Variants in GRIN2D observed in about 807,000 individuals in gnomAD.
GRIN2D encodes the protein glutamate receptor ionotropic, NMDA 2D.
In GRIN2D, 37 loss-of-function variants were observed where a neutral mutation model predicts 103.2. The ratio of observed to expected loss-of-function variants is 0.36; its 90% CI spans 0.28 to 0.47. The LOEUF (loss-of-function observed/expected upper bound fraction) is 0.47, where lower values mean the gene tolerates loss of function less well. Ranked by LOEUF, GRIN2D falls within the 20% of genes least tolerant of loss-of-function variation. The pLI, the probability that GRIN2D is intolerant of heterozygous loss-of-function variation, is 1.00. For missense variants in GRIN2D, 1,557 were observed against 1,910.6 expected (o/e 0.81, Z 3.45); for synonymous variants, 845 against 885.6 (o/e 0.95, Z 0.81).
In GRIN2D at chr19:48,443,943, C is replaced by T. The variant is rs892905377; in HGVS notation, c.*6C>T. 2.6e-5 allele frequency: 36 copies of T among 1,391,278 alleles called. No individual in the cohort carries two copies. Among genetic ancestry groups the T allele is most frequent in the Non-Finnish European group, 3.2e-5 (34 of 1,072,236 alleles). The allele number at this position is 1,391,278 out of a possible 1,614,324, so 86.2% of individuals were successfully genotyped here. A position where few individuals can be genotyped will look rare whatever the true frequency, so the allele number is the denominator to read the frequency against. On this transcript the variant is annotated 3_prime_UTR_variant, in exon 14 of 14. Transcript: ENST00000263269. This position sits in a 1 kb window ranked among gnomAD's most constrained non-coding sequence, Gnocchi z 8.9. Reference sequence around the variant, plus strand: ...GCCTCGAGTCCGAGGTATGACGCGGCCCCGGGGGCCCCACCGCCCCCTTGG... The same window carrying T: ...GCCTCGAGTCCGAGGTATGACGCGGTCCCGGGGGCCCCACCGCCCCCTTGG...
At chr19:48,417,175 G>T (rs1423623999) in intron 8 of GRIN2D, among the ~76,000 whole-genome samples, 2 of 152,194 alleles carry the variant, frequency 1.3e-5, no homozygotes, top group Non-Finnish European at 2.9e-5. Flanking sequence ...AGGAGGCAGA[G>T]GTTGCAGTGA....
Position 48,441,928 on chromosome 19 carries a change from C to T in GRIN2D, c.2412C>T (p.Asp804=), listed in dbSNP as rs147906766. The T allele has an allele frequency of 3.5e-5, 57 of 1,609,558 alleles. No individual in the cohort carries two copies. The highest frequency in any genetic ancestry group is 4.7e-5 in the Non-Finnish European group (55 of 1,178,870). Residue 804 remains aspartate, a synonymous_variant, in exon 12 of 14, where the codon GAC becomes GAT. Coordinates refer to ENST00000263269, the MANE Select transcript of GRIN2D (RefSeq NM_000836.4). ...HKGSRWKRPI[D]LALLQFLGDD... ...GCTCCCGCTGGAAGCGGCCCATCGA[C>T]CTGGCGTTGCTGCAGTTCCTGGGGG...
In GRIN2D at chr19:48,443,297, C is replaced by G. The variant is rs1231092898; in HGVS notation, c.3371C>G (p.Ala1124Gly). ...GAGGACTCGGAGAGCCTGGGCGGCG[C>G]GTCGCTGGGCGGCCTGGAGCCCTGG... The part of the protein sequence containing the change: ...DSEDSESLGG[A>G]SLGGLEPWWF... Residue 1124 changes from alanine to glycine, a missense_variant, in exon 14 of 14, where the codon GCG (alanine) becomes GGG (glycine). Physicochemically the swap from Ala to Gly is moderately conservative, Grantham distance 60 (BLOSUM62 0). Transcript: ENST00000263269. The surrounding 1 kb of genome is among the most constrained non-coding windows in gnomAD (Gnocchi z 8.9). 4 of 1,540,380 alleles carry G rather than the reference C, an allele frequency of 2.6e-6. No homozygotes were observed. In the African/African-American group the frequency reaches 5.7e-5, roughly 22 times the overall value.
chr19:48,398,624 C>G lies in GRIN2D; in HGVS notation c.232C>G (p.Arg78Gly). The G allele has an allele frequency of 2.3e-6, 3 of 1,280,932 alleles. No individual in the cohort carries two copies. Among genetic ancestry groups the G allele is most frequent in the Non-Finnish European group, 3.0e-6 (3 of 1,012,326 alleles). The allele number at this position is 1,280,932 out of a possible 1,614,324, so 79.3% of individuals were successfully genotyped here. Reference protein sequence around the residue: ...RLGPAVAAAVRSPGLDVRPVA... With the variant: ...RLGPAVAAAVGSPGLDVRPVA... ...GGGCCCGGCCGTGGCGGCGGCGGTG[C>G]GCAGCCCGGGCCTAGACGTGCGGCC... The change falls in exon 3 of 14, where the codon CGC (arginine) becomes GGC (glycine). Residue 78 changes from arginine to glycine, a missense_variant. Arg to Gly is a moderately radical substitution (Grantham distance 125). Transcript: ENST00000263269.
In GRIN2D at chr19:48,398,865, C is replaced by T. The variant is rs1487056865; in HGVS notation, c.465+8C>T. ...CTCGTGCTCACGCCCAAGGTGCGCG[C>T]GACCGGGGCGGGGCGGGGCCACAGG... On this transcript the variant is annotated splice_region_variant and intron_variant, in intron 3 of 13. Transcript: ENST00000263269. 3 of 1,306,748 alleles carry T rather than the reference C, an allele frequency of 2.3e-6. No individual in the cohort carries two copies. In the East Asian group the frequency reaches 9.6e-5, roughly 42 times the overall value. 80.9% of individuals were successfully genotyped at this position (1,306,748 alleles called of 1,614,324 possible).
rs1299751222 is a variant in GRIN2D at position 48,414,871 on chromosome 19, C to T, written c.1420C>T (p.Pro474Ser). 6.2e-7 allele frequency: 1 copy of T among 1,614,142 alleles called. No homozygotes were observed. The highest frequency in any genetic ancestry group is 1.7e-5 in the Admixed American group (1 of 60,010). ...SQLNRTHSPPPDAPRPEKRCC... is the reference protein window; with the variant it reads ...SQLNRTHSPPSDAPRPEKRCC... The stretch of plus-strand genomic sequence containing the variant: ...CCTGGTCACTGCCCGCAGCCCTCCA[C>T]CGGATGCCCCCCGCCCGGAAAAGCG... The change falls in exon 7 of 14, where the codon CCG (proline) becomes TCG (serine). Residue 474 changes from proline (P) to serine (S), a missense_variant. Transcript: ENST00000263269. This position sits in a 1 kb window ranked among gnomAD's most constrained non-coding sequence, Gnocchi z 4.6.
In GRIN2D at chr19:48,414,214, C is replaced by T; in HGVS notation, c.1200+109C>T. 2.2e-6 allele frequency: 2 copies of T among 890,780 alleles called. No homozygotes were observed. Among genetic ancestry groups the T allele is most frequent in the Non-Finnish European group, 1.8e-6 (1 of 555,974 alleles). 55.2% of individuals were successfully genotyped at this position (890,780 alleles called of 1,614,324 possible). On this transcript the variant is annotated intron_variant, in intron 5 of 13. Coordinates refer to ENST00000263269, the MANE Select transcript of GRIN2D (RefSeq NM_000836.4). This position sits in a 1 kb window ranked among gnomAD's most constrained non-coding sequence, Gnocchi z 4.6. ...TAAGAGGGAGGAGGGGACAAGGAGC[C>T]TGGACTCCTGGGTCCTGGGATCTGA...
intron 11 of GRIN2D, among the ~76,000 whole-genome samples, chr19:48,441,255 T>C (rs935981480): frequency 1.3e-4 from 20 of 148,478 alleles, no homozygotes; most frequent in African/African-American, 5.0e-4. Context: ...CCCAGCTACT[T>C]GGGAGGCTGA....
At chr19:48,431,720 G>A (rs1174574046) in intron 11 of GRIN2D, among the ~76,000 whole-genome samples, 2 of 151,464 alleles carry the variant, frequency 1.3e-5, no homozygotes, top group Non-Finnish European at 2.9e-5. Context: ...AAGCAGCTCC[G>A]ATTACAGGCA....
chr19:48,419,368 C>T lies in GRIN2D; in HGVS notation c.1861+9C>T. On this transcript the variant is annotated intron_variant, in intron 9 of 13. Transcript: ENST00000263269. Reference sequence around the variant, plus strand: ...CCTGGCCACGGGCAAGCGTGAGTCCCCCTTCCTCCATCCCCCGCCTCGGAG... The same window carrying T: ...CCTGGCCACGGGCAAGCGTGAGTCCTCCTTCCTCCATCCCCCGCCTCGGAG... The T allele has an allele frequency of 6.3e-7, 1 of 1,594,166 alleles. No individual in the cohort carries two copies.
intron 11 of GRIN2D, among the ~76,000 whole-genome samples, chr19:48,428,276 A>G (rs1971112007): frequency 6.6e-6 from 1 of 150,634 alleles, no homozygotes; most frequent in South Asian, 2.1e-4. Flanking sequence ...ACCTCAGGTG[A>G]TATACCCACC....
In GRIN2D at chr19:48,442,538, G is replaced by C. The variant is rs1286590098; in HGVS notation, c.2674-62G>C. 1 of 1,477,762 alleles carries C rather than the reference G, an allele frequency of 6.8e-7. No homozygotes were observed. The highest frequency in any genetic ancestry group is 1.4e-5 in the African/African-American group (1 of 71,698). The allele number at this position is 1,477,762 out of a possible 1,614,324, so 91.5% of individuals were successfully genotyped here. On this transcript the variant is annotated intron_variant, in intron 13 of 13. Transcript: ENST00000263269. The surrounding 1 kb of genome is among the most constrained non-coding windows in gnomAD (Gnocchi z 7.2). Reference sequence around the variant, plus strand: ...AAATGGAGAGGAGAGAGGGACTGAGGGGAGGCGGGCAGGCGTCCTGGGCAT... The same window carrying C: ...AAATGGAGAGGAGAGAGGGACTGAGCGGAGGCGGGCAGGCGTCCTGGGCAT...
chr19:48,431,846 A>G (rs1971160483), intron 11 of GRIN2D, among the ~76,000 whole-genome samples: 1 of 151,920 alleles, frequency 6.6e-6, no homozygotes, highest in South Asian at 2.1e-4. Flanking sequence ...CAGCCTCCCA[A>G]AGTGCTGGGA....
At chr19:48,407,486 T>A (rs1432632024) in intron 4 of GRIN2D, among the ~76,000 whole-genome samples, 1 of 152,076 alleles carries the variant, frequency 6.6e-6, no homozygotes, top group East Asian at 1.9e-4. Context: ...AGAGAGGAAA[T>A]GTATTAGCCT....
chr19:48,432,055 G>A (rs759462292), intron 11 of GRIN2D, among the ~76,000 whole-genome samples: 1 of 151,816 alleles, frequency 6.6e-6, no homozygotes, highest in Admixed American at 6.6e-5. Flanking sequence ...TGGACTACAG[G>A]TGCCCACCAC....
intron 8 of GRIN2D, among the ~76,000 whole-genome samples, chr19:48,418,059 A>AGTCTT (rs1262618544): frequency 2.1e-5 from 3 of 140,192 alleles, no homozygotes; most frequent in Non-Finnish European, 4.6e-5. Context: ...TTTGAGACAG[A>AGTCTT]GTCTTGCTCT....
intron 2 of GRIN2D, among the ~76,000 whole-genome samples, chr19:48,395,488 C>T (rs980424788): frequency 3.3e-5 from 5 of 151,812 alleles, no homozygotes; most frequent in African/African-American, 1.2e-4. Flanking sequence ...GGGGAGAGAC[C>T]GATGTTGTGT....
Position 48,431,628 on chromosome 19 carries a change from A to G in GRIN2D, c.2252+9683A>G, listed in dbSNP as rs964291844. On this transcript the variant is annotated intron_variant, in intron 11 of 13. Coordinates refer to ENST00000263269, the MANE Select transcript of GRIN2D (RefSeq NM_000836.4). ...AGACGGAGTTTCACTCTTGTTGCCC[A>G]GGCTGGAGTGCAATGGCACGATCTC... 2.1e-5 allele frequency among the ~76,000 whole-genome samples: 3 copies of G among 140,882 alleles called. 1 individual carries two copies. The highest frequency in any genetic ancestry group is 8.1e-5 in the African/African-American group (3 of 37,250). The allele number at this position is 140,882 out of a possible 152,430, so 92.4% of individuals were successfully genotyped here. A position where few individuals can be genotyped will look rare whatever the true frequency, so the allele number is the denominator to read the frequency against.
At chr19:48,423,679 G>A (rs1008507886) in intron 11 of GRIN2D, among the ~76,000 whole-genome samples, 1 of 152,172 alleles carries the variant, frequency 6.6e-6, no homozygotes, top group Non-Finnish European at 1.5e-5. Flanking sequence ...GTGGTTGAAG[G>A]GCAAGGAGCT....
Sources: allele counts gnomAD v4.1 joint callset (sites outside exome capture counted in the v4.1 genomes callset), GRCh38; gene constraint gnomAD v4.1.1; non-coding constraint Gnocchi (gnomAD v3.1); transcripts MANE v1.5; gene names NCBI Gene and HGNC (gene_info 2026-07-23, HGNC 2026-07-21).